EXOC4: variants seen among roughly 807,000 people sequenced by gnomAD.
EXOC4 encodes the protein SEC8-like 1.
EXOC4 carries 71 observed loss-of-function variants against 107.2 expected under a neutral mutation model. That is an observed-to-expected ratio of 0.66 (90% CI 0.55 to 0.81). The LOEUF (loss-of-function observed/expected upper bound fraction) is 0.81, where lower values mean the gene tolerates loss of function less well. EXOC4 is among the 30% of genes least tolerant of loss of function. The pLI is 0.00. For synonymous variants in EXOC4, 456 were observed against 441.2 expected (o/e 1.03, Z -0.42); for missense variants, 1,108 against 1,189.6 (o/e 0.93, Z 1.01).
At chr7:133,699,208 G>C (rs1425149967) in intron 10 of EXOC4, among the ~76,000 whole-genome samples, 1 of 151,562 alleles carries the variant, frequency 6.6e-6, no homozygotes, top group African/African-American at 2.4e-5. Flanking sequence ...TTTGCTCCTG[G>C]AGCAAATTGG....
At chr7:133,888,331 A>G (rs16874350) in intron 11 of EXOC4, among the ~76,000 whole-genome samples, 23,194 of 152,182 alleles carry the variant, frequency 0.15, 2,084 homozygotes, top group African/African-American at 0.24. Flanking sequence ...AAGACTGGAA[A>G]AGTATTTTTT....
intron 17 of EXOC4, among the ~76,000 whole-genome samples, chr7:134,014,870 T>G (rs888413418): frequency 2.6e-5 from 4 of 152,220 alleles, no homozygotes; most frequent in Non-Finnish European, 5.9e-5. Flanking sequence ...AGCCAAAGTT[T>G]TATCCTCCCA....
At chr7:133,972,219 T>C (rs1423806952) in intron 14 of EXOC4, among the ~76,000 whole-genome samples, 2 of 152,238 alleles carry the variant, frequency 1.3e-5, no homozygotes, top group Non-Finnish European at 2.9e-5. Context: ...AGAGCTACAT[T>C]ACTTTTTATT....
At chr7:133,739,484 A>G (rs1757808101) in intron 10 of EXOC4, among the ~76,000 whole-genome samples, 1 of 152,154 alleles carries the variant, frequency 6.6e-6, no homozygotes, top group Non-Finnish European at 1.5e-5. Flanking sequence ...CTCCAGTCCT[A>G]ATGATGTGGA....
At chr7:134,073,221 A>AAC in the EXOC4 span, among the ~76,000 whole-genome samples, 12 of 46,216 alleles carry the variant, frequency 2.6e-4, no homozygotes, top group Admixed American at 1.1e-3. Context: ...AAAAAAAAAA[A>AAC]AAAAAAAAAA....
chr7:133,356,023 C>G (rs966927897), intron 5 of EXOC4, among the ~76,000 whole-genome samples: 3 of 152,072 alleles, frequency 2.0e-5, no homozygotes, highest in African/African-American at 7.2e-5. Context: ...CAGCGAGTGC[C>G]TAATAAATGT....
At chr7:133,586,441 CT>C (rs928475079) in intron 9 of EXOC4, among the ~76,000 whole-genome samples, 28 of 152,246 alleles carry the variant, frequency 1.8e-4, no homozygotes, top group Middle Eastern at 3.4e-3. Flanking sequence ...TGTGATCTTA[CT>C]TTTTTTATTT....
intron 9 of EXOC4, among the ~76,000 whole-genome samples, chr7:133,596,851 T>A (rs1006946472): frequency 3.3e-5 from 5 of 152,178 alleles, no homozygotes; most frequent in Non-Finnish European, 7.4e-5. Context: ...AGACCCTACG[T>A]CTCATTAGCC....
chr7:133,534,859 A>T (rs1418772355), intron 9 of EXOC4, among the ~76,000 whole-genome samples: 1 of 152,140 alleles, frequency 6.6e-6, no homozygotes, highest in African/African-American at 2.4e-5. Flanking sequence ...GGACTGAAAA[A>T]GTATGGGGTA....
At chr7:133,330,673 TCCCTCAC>T (rs1282012299) in intron 5 of EXOC4, among the ~76,000 whole-genome samples, 1 of 151,756 alleles carries the variant, frequency 6.6e-6, no homozygotes, top group Non-Finnish European at 1.5e-5. Context: ...TCCCTCACAG[TCCCTCAC>T]AGTCCCTCAC....
chr7:133,997,407 A>G, intron 14 of EXOC4, 85 bp from the exon 15 acceptor site: 3 of 1,506,016 alleles, frequency 2.0e-6, no homozygotes, highest in Non-Finnish European at 2.7e-6. Context: ...TAGTAAAAAC[A>G]AGATGAACAG....
chr7:133,760,661 C>T (rs1171454061), intron 10 of EXOC4, among the ~76,000 whole-genome samples: 1 of 151,692 alleles, frequency 6.6e-6, no homozygotes, highest in Admixed American at 6.6e-5. Flanking sequence ...GCATTTGTAA[C>T]AAAGGCAGGA....
chr7:133,436,048 G>GTT lies in EXOC4; in HGVS notation c.1183-39268_1183-39267dup, dbSNP rs5887624. On this transcript the variant is annotated intron_variant, in intron 7 of 17. Transcript: ENST00000253861. The stretch of plus-strand genomic sequence containing the variant: ...GGGAAAGAATTTGAATTATCTCAGT[G>GTT]TTTTTTTTTTTTTGTTTTTTTAAAG... 9.7e-3 allele frequency among the ~76,000 whole-genome samples: 1,384 copies of GTT among 142,520 alleles called. 8 individuals are homozygous for GTT. Among genetic ancestry groups the GTT allele is most frequent in the African/African-American group, 0.012 (455 of 38,444 alleles). The allele number at this position is 142,520 out of a possible 152,430, so 93.5% of individuals were successfully genotyped here. A position where few individuals can be genotyped will look rare whatever the true frequency, so the allele number is the denominator to read the frequency against.
chr7:133,762,554 A>C (rs1796054278), intron 10 of EXOC4, among the ~76,000 whole-genome samples: 1 of 152,184 alleles, frequency 6.6e-6, no homozygotes, highest in African/African-American at 2.4e-5. Flanking sequence ...ATTTATATCA[A>C]GGTGCTAGAT....
chr7:133,484,153 T>C, intron 9 of EXOC4: 1 of 1,607,544 alleles, frequency 6.2e-7, no homozygotes, highest in South Asian at 1.1e-5. Flanking sequence ...ATTAGAAATG[T>C]GACTCAGTCT....
At chr7:134,081,583 T>C in the EXOC4 span, among the ~76,000 whole-genome samples, 3 of 152,290 alleles carry the variant, frequency 2.0e-5, no homozygotes, top group Middle Eastern at 3.4e-3. Context: ...TGGCACATAA[T>C]AGATGGTCAA....
chr7:133,761,933 C>T (rs1428057726), intron 10 of EXOC4, among the ~76,000 whole-genome samples: 1 of 152,082 alleles, frequency 6.6e-6, no homozygotes, highest in Admixed American at 6.6e-5. Context: ...AGTGACTTGC[C>T]AAGAAGAAAT....
At chr7:133,634,061 T>C (rs1802650725) in intron 10 of EXOC4, among the ~76,000 whole-genome samples, 1 of 152,236 alleles carries the variant, frequency 6.6e-6, no homozygotes, top group African/African-American at 2.4e-5. Context: ...CAACCACCCT[T>C]CTAAGAATAC....
intron 10 of EXOC4, among the ~76,000 whole-genome samples, chr7:133,720,168 G>C (rs1472308934): frequency 6.6e-6 from 1 of 152,140 alleles, no homozygotes; most frequent in Non-Finnish European, 1.5e-5. Flanking sequence ...TAAGCGTGGG[G>C]TTCTGGGAGA....
Sources: gnomAD v4.1 joint callset for allele counts (sites outside exome capture counted in the v4.1 genomes callset) on GRCh38, gnomAD v4.1.1 for gene constraint, MANE v1.5 for transcripts, NCBI Gene and HGNC (gene_info 2026-07-23, HGNC 2026-07-21) for gene names.